The following NFATC1 variants were observed in gnomAD, a reference collection of about 807,000 sequenced individuals.
NFATC1 encodes the protein nuclear factor of activated T-cells, cytoplasmic 1.
NFATC1 carries 22 observed loss-of-function variants against 76.0 expected under a neutral mutation model. That is an observed-to-expected ratio of 0.29 (90% CI 0.21 to 0.41). The LOEUF is 0.41. Ranked by LOEUF, NFATC1 falls within the 10% of genes least tolerant of loss-of-function variation. NFATC1 has a pLI of 1.00. For synonymous variants in NFATC1, 704 were observed against 613.1 expected, an observed-to-expected ratio of 1.15 and a Z score of -2.19; for missense variants, 1,357 against 1,337.7, an observed-to-expected ratio of 1.01 and a Z score of -0.23.
At chr18:79,513,136 G>A (rs545582156) in intron 9 of NFATC1, among the ~76,000 whole-genome samples, 8 of 152,300 alleles carry the variant, frequency 5.3e-5, no homozygotes, top group Non-Finnish European at 7.4e-5. Flanking sequence ...TTCCTCTCTC[G>A]ATACCCAGAA....
At chr18:79,458,340 G>A (rs2087856305) in intron 6 of NFATC1, among the ~76,000 whole-genome samples, 1 of 152,174 alleles carries the variant, frequency 6.6e-6, no homozygotes, top group Non-Finnish European at 1.5e-5. Context: ...TTGGGGAGCA[G>A]GGCAGGAGAC....
chr18:79,490,153 G>A (rs1409923123), intron 9 of NFATC1, among the ~76,000 whole-genome samples: 1 of 152,158 alleles, frequency 6.6e-6, no homozygotes, highest in East Asian at 1.9e-4. Flanking sequence ...CAGGCAGGCG[G>A]GGCGCATGGC....
In NFATC1 at chr18:79,396,085, C is replaced by T. The variant is rs1207061405; in HGVS notation, c.-140C>T. 1 of 1,084,956 alleles carries T rather than the reference C, an allele frequency of 9.2e-7. No individual in the cohort carries two copies. The allele number at this position is 1,084,956 out of a possible 1,614,324, so 67.2% of individuals were successfully genotyped here. A position where few individuals can be genotyped will look rare whatever the true frequency, so the allele number is the denominator to read the frequency against. Reference sequence around the variant, plus strand: ...GGCCCCGCCACGCGCGCACACGCCCCTCGATGACTTTCCTCCGGGGCGCGC... The same window carrying T: ...GGCCCCGCCACGCGCGCACACGCCCTTCGATGACTTTCCTCCGGGGCGCGC... On this transcript the variant is annotated 5_prime_UTR_variant, in exon 1 of 10. Transcript: ENST00000427363.
At chr18:79,498,076 G>GGGA (rs2089935753) in intron 9 of NFATC1, 1 of 143,708 alleles carries the variant, frequency 7.0e-6, no homozygotes, top group Admixed American at 7.0e-5. Context: ...TGGGGGGGGG[G>GGGA]GAATCTCATT....
At chr18:79,451,212 C>T (rs971677701) in intron 5 of NFATC1, 86 bp downstream of exon 5, 32 of 1,478,122 alleles carry the variant, frequency 2.2e-5, no homozygotes, top group Non-Finnish European at 2.6e-5. Context: ...GCTTTTCGTT[C>T]GTGTAGACTT....
intron 9 of NFATC1, among the ~76,000 whole-genome samples, chr18:79,492,953 C>G (rs1364263095): frequency 1.2e-5 from 1 of 80,072 alleles, no homozygotes; most frequent in African/African-American, 5.1e-5. Context: ...CCAGTCCTTT[C>G]TACTCCCAAG....
At chr18:79,445,327 C>T (rs1172748237) in intron 3 of NFATC1, among the ~76,000 whole-genome samples, 1 of 152,222 alleles carries the variant, frequency 6.6e-6, no homozygotes, top group Non-Finnish European at 1.5e-5. Flanking sequence ...TGGCCAGGCC[C>T]CTGTACCGAG....
chr18:79,397,014 C>A (rs1313756762), intron 1 of NFATC1, among the ~76,000 whole-genome samples: 8 of 152,186 alleles, frequency 5.3e-5, no homozygotes, highest in Admixed American at 6.5e-5. Flanking sequence ...AAGGAACCGC[C>A]AAGTTTCGAG....
chr18:79,497,442 AAACC>A (rs1380946979), intron 9 of NFATC1: 2 of 152,138 alleles, frequency 1.3e-5, no homozygotes, highest in Non-Finnish European at 2.9e-5. Flanking sequence ...GCTCTGTTGA[AAACC>A]CCATCCCAGG....
intron 2 of NFATC1, among the ~76,000 whole-genome samples, chr18:79,419,616 C>T (rs771313521): frequency 1.1e-4 from 17 of 152,166 alleles, no homozygotes; most frequent in Non-Finnish European, 1.2e-4. Context: ...AGCGTGAGGG[C>T]GGCAGGGAGC....
intron 9 of NFATC1, among the ~76,000 whole-genome samples, chr18:79,513,919 G>A (rs866826752): frequency 1.8e-4 from 28 of 152,336 alleles, no homozygotes; most frequent in Admixed American, 1.0e-3. Context: ...CTGTGTGCTA[G>A]CCTCTGTCCC....
At chr18:79,484,049 GGTGACCTGGTCCTGGGGTGTCATTCCAGT>G (rs1386537990) in intron 8 of NFATC1, among the ~76,000 whole-genome samples, 1 of 148,704 alleles carries the variant, frequency 6.7e-6, no homozygotes, top group Non-Finnish European at 1.5e-5. Context: ...GTCATTCCAG[GGTGACCTGGTCCTGGGGTGTCATTCCAGT>G]GTGACCTCGG....
chr18:79,410,389 C>T lies in NFATC1; in HGVS notation c.128-14C>T. The T allele has an allele frequency of 1.9e-6, 3 of 1,590,410 alleles. No homozygotes were observed. The highest frequency in any genetic ancestry group is 2.6e-6 in the Non-Finnish European group (3 of 1,168,128). On this transcript the variant is annotated splice_polypyrimidine_tract_variant and intron_variant, in intron 1 of 9. Transcript: ENST00000427363. This position sits in a 1 kb window ranked among gnomAD's most constrained non-coding sequence, Gnocchi z 6.7. Reference sequence around the variant, plus strand: ...CAGCCCCTCATGCTCCCATCTGCTTCTTTTTCTCTCTAGAACACTATGGCT... The same window carrying T: ...CAGCCCCTCATGCTCCCATCTGCTTTTTTTTCTCTCTAGAACACTATGGCT...
At chr18:79,522,195 TGGGGGGGG>T (rs1223541660) in intron 9 of NFATC1, among the ~76,000 whole-genome samples, 3 of 25,604 alleles carry the variant, frequency 1.2e-4, no homozygotes, top group Non-Finnish European at 1.4e-4. Flanking sequence ...TTTGTGTGTG[TGGGGGGGG>T]GTGTCCACTG....
chr18:79,399,726 A>T (rs1188346330), intron 1 of NFATC1, among the ~76,000 whole-genome samples: 1 of 151,350 alleles, frequency 6.6e-6, no homozygotes, highest in Non-Finnish European at 1.5e-5. Flanking sequence ...GAGGCTGGGG[A>T]CTCGCAGGAG....
At chr18:79,400,568 GGGGACCCCAGGAGTCCCCGGCGCGCCC>G in intron 1 of NFATC1, 1 of 1,175,404 alleles carries the variant, frequency 8.5e-7, no homozygotes, top group African/African-American at 1.6e-5. Context: ...GTCGCTCCCC[GGGGACCCCAGGAGTCCCCGGCGCGCCC>G]GGGACCGAGG....
intron 7 of NFATC1, among the ~76,000 whole-genome samples, chr18:79,466,274 A>G (rs1390069331): frequency 6.6e-6 from 1 of 152,258 alleles, no homozygotes; most frequent in Non-Finnish European, 1.5e-5. Context: ...ATAATTAATT[A>G]TTTTAACAAA....
intron 1 of NFATC1, among the ~76,000 whole-genome samples, chr18:79,406,698 G>A (rs2085450542): frequency 6.6e-6 from 1 of 152,222 alleles, no homozygotes; most frequent in African/African-American, 2.4e-5. Flanking sequence ...GTAATGAACA[G>A]GTGGCTCGGC....
chr18:79,401,039 G>A (rs1246508275), intron 1 of NFATC1, among the ~76,000 whole-genome samples: 18 of 117,138 alleles, frequency 1.5e-4, no homozygotes, highest in African/African-American at 5.3e-4. Context: ...CATGACCCCA[G>A]CCTTTTCTTT....
Sources: allele counts gnomAD v4.1 joint callset (sites outside exome capture counted in the v4.1 genomes callset), GRCh38; gene constraint gnomAD v4.1.1; non-coding constraint Gnocchi (gnomAD v3.1); transcripts MANE v1.5; gene names NCBI Gene and HGNC (gene_info 2026-07-23, HGNC 2026-07-21).